The following CSMD1 variants were observed in gnomAD, a reference collection of about 807,000 sequenced individuals.
The protein encoded by CSMD1 is CUB and Sushi multiple domains 1.
In CSMD1, 213 loss-of-function variants were observed where a neutral mutation model predicts 417.5. The ratio of observed to expected loss-of-function variants is 0.51; its 90% CI spans 0.46 to 0.57. CSMD1 has a LOEUF of 0.57. Among genes scored for constraint, CSMD1 ranks in the 20% least tolerant of loss-of-function variants. CSMD1 has a pLI of 0.00. For missense variants in CSMD1, 6,923 were observed against 4,529.7 expected (o/e 1.53, Z -15.17); for synonymous variants, 2,862 against 1,736.8 (o/e 1.65, Z -16.11).
At chr8:3,758,000 G>A (rs1797759717) in intron 5 of CSMD1, among the ~76,000 whole-genome samples, 1 of 152,036 alleles carries the variant, frequency 6.6e-6, no homozygotes, top group South Asian at 2.1e-4. Flanking sequence ...GTCTTGCTCT[G>A]TCACCCAGGC....
chr8:4,405,515 G>C (rs1804945771), intron 3 of CSMD1, among the ~76,000 whole-genome samples: 2 of 152,022 alleles, frequency 1.3e-5, no homozygotes, highest in African/African-American at 4.8e-5. Context: ...CAGCACAGCG[G>C]CTTAACAAAA....
intron 1 of CSMD1, among the ~76,000 whole-genome samples, chr8:4,905,406 A>T (rs1019104685): frequency 6.6e-6 from 1 of 152,110 alleles, no homozygotes; most frequent in Non-Finnish European, 1.5e-5. Flanking sequence ...GTATATTTAT[A>T]GATTTATAAA....
chr8:3,909,976 G>A (rs1409278879), intron 5 of CSMD1, among the ~76,000 whole-genome samples: 1 of 151,828 alleles, frequency 6.6e-6, no homozygotes, highest in Admixed American at 6.6e-5. Context: ...ACAACACTTG[G>A]GAGTAACTAG....
intron 3 of CSMD1, among the ~76,000 whole-genome samples, chr8:4,324,021 C>A (rs915714112): frequency 1.3e-5 from 2 of 152,158 alleles, no homozygotes; most frequent in Non-Finnish European, 2.9e-5. Context: ...CACAGCCACA[C>A]CCTTAGCAGG....
chr8:3,572,367 G>C (rs1361956389), intron 10 of CSMD1, among the ~76,000 whole-genome samples: 1 of 152,162 alleles, frequency 6.6e-6, no homozygotes, highest in Non-Finnish European at 1.5e-5. Flanking sequence ...TAAGAGCAGG[G>C]AGGTGGGCAG....
chr8:3,962,588 C>T (rs147548729), intron 5 of CSMD1, among the ~76,000 whole-genome samples: 8 of 152,024 alleles, frequency 5.3e-5, no homozygotes, highest in African/African-American at 1.9e-4. Context: ...GCAATGAAAT[C>T]CATGCTATGA....
chr8:3,900,058 G>A (rs1037239345), intron 5 of CSMD1, among the ~76,000 whole-genome samples: 2 of 151,944 alleles, frequency 1.3e-5, no homozygotes, highest in Non-Finnish European at 2.9e-5. Flanking sequence ...TGCTGTAGCT[G>A]GGTAACACTA....
intron 3 of CSMD1, among the ~76,000 whole-genome samples, chr8:4,171,716 G>T (rs191920817): frequency 6.6e-6 from 1 of 151,340 alleles, no homozygotes; most frequent in Non-Finnish European, 1.5e-5. Flanking sequence ...TGATATTTAT[G>T]TGCCAAGCTT....
chr8:3,926,209 A>C (rs757425364), intron 5 of CSMD1, among the ~76,000 whole-genome samples: 1 of 152,152 alleles, frequency 6.6e-6, no homozygotes, highest in Non-Finnish European at 1.5e-5. Flanking sequence ...AAGTACTAAT[A>C]ACGTATGTTG....
At chr8:4,698,682 C>G (rs1269718465) in intron 1 of CSMD1, among the ~76,000 whole-genome samples, 1 of 150,408 alleles carries the variant, frequency 6.6e-6, no homozygotes, top group African/African-American at 2.5e-5. Flanking sequence ...GGAAGAAGCC[C>G]TCCTCCCTCT....
intron 12 of CSMD1, among the ~76,000 whole-genome samples, chr8:3,431,285 C>A (rs1028718972): frequency 2.0e-5 from 3 of 152,138 alleles, no homozygotes; most frequent in Non-Finnish European, 4.4e-5. Context: ...ACACCTGGGC[C>A]ATCACTAATC....
chr8:3,663,713 G>A (rs1365734378), intron 7 of CSMD1, among the ~76,000 whole-genome samples: 2 of 152,088 alleles, frequency 1.3e-5, no homozygotes, highest in African/African-American at 4.8e-5. Flanking sequence ...CAGCCGTTCT[G>A]CCCGCCTTTG....
intron 1 of CSMD1, among the ~76,000 whole-genome samples, chr8:4,664,007 T>C (rs901267081): frequency 6.6e-6 from 1 of 152,092 alleles, no homozygotes; most frequent in African/African-American, 2.4e-5. Context: ...GGGCAAGAGA[T>C]CCACAACACA....
At chr8:4,102,544 G>A (rs1801359201) in intron 3 of CSMD1, among the ~76,000 whole-genome samples, 1 of 151,954 alleles carries the variant, frequency 6.6e-6, no homozygotes, top group Non-Finnish European at 1.5e-5. Flanking sequence ...TCACTGAAAT[G>A]TCAGCTTATC....
intron 11 of CSMD1, among the ~76,000 whole-genome samples, chr8:3,470,567 T>C (rs1317165435): frequency 6.6e-6 from 1 of 152,142 alleles, no homozygotes; most frequent in Non-Finnish European, 1.5e-5. Flanking sequence ...TCTGCACAAA[T>C]ACGTCACATG....
At chr8:3,828,978 G>A (rs534391307) in intron 5 of CSMD1, among the ~76,000 whole-genome samples, 1 of 151,756 alleles carries the variant, frequency 6.6e-6, no homozygotes, top group Non-Finnish European at 1.5e-5. Flanking sequence ...GTTCCTTAGG[G>A]TTTTTACCCC....
intron 47 of CSMD1, among the ~76,000 whole-genome samples, chr8:3,095,384 A>T (rs1815227869): frequency 6.6e-6 from 1 of 152,122 alleles, no homozygotes; most frequent in Non-Finnish European, 1.5e-5. Flanking sequence ...GTAATGAGTT[A>T]CTTCTCTCTA....
intron 3 of CSMD1, among the ~76,000 whole-genome samples, chr8:4,379,318 C>G (rs1360403528): frequency 1.3e-5 from 2 of 152,182 alleles, no homozygotes; most frequent in Non-Finnish European, 2.9e-5. Context: ...CAAGGAAAGA[C>G]TAATTAGCTG....
chr8:4,277,409 C>G (rs913131713), intron 3 of CSMD1, among the ~76,000 whole-genome samples: 3 of 152,148 alleles, frequency 2.0e-5, no homozygotes, highest in African/African-American at 7.2e-5. Flanking sequence ...GCCCCCATTT[C>G]CCCATCAACT....
Sources: gnomAD v4.1 joint callset for allele counts (sites outside exome capture counted in the v4.1 genomes callset) on GRCh38, gnomAD v4.1.1 for gene constraint, MANE v1.5 for transcripts, NCBI Gene and HGNC (gene_info 2026-07-23, HGNC 2026-07-21) for gene names.